The following UBE3D variants were observed in gnomAD, a reference collection of about 807,000 sequenced individuals.
UBE3D encodes the protein ubiquitin protein ligase E3D, also known as E3 ubiquitin-protein ligase E3D.
UBE3D carries 48 observed loss-of-function variants against 49.6 expected under a neutral mutation model. The observed-to-expected ratio is 0.97, with a 90% CI of 0.77 to 1.23. UBE3D has a LOEUF of 1.23. UBE3D is among the 50% of genes most tolerant of loss of function. The pLI, the probability that UBE3D is intolerant of heterozygous loss-of-function variation, is 0.00. For synonymous variants in UBE3D, 189 were observed against 174.2 expected (o/e 1.08, Z -0.67); for missense variants, 452 against 468.4 (o/e 0.96, Z 0.32).
At chr6:83,035,876 T>C (rs893790040) in intron 5 of UBE3D, 1 of 152,180 alleles carries the variant, frequency 6.6e-6, no homozygotes, top group African/African-American at 2.4e-5. Context: ...AAGGCTCAAT[T>C]CACTTATTCA....
intron 9 of UBE3D, among the ~76,000 whole-genome samples, chr6:82,907,592 G>A (rs544363837): frequency 9.9e-5 from 15 of 152,120 alleles, no homozygotes; most frequent in Non-Finnish European, 1.5e-4. Context: ...TAAAGCACAT[G>A]AAAAGGTGCT....
At chr6:82,933,382 C>G (rs1774315333) in intron 9 of UBE3D, among the ~76,000 whole-genome samples, 1 of 152,222 alleles carries the variant, frequency 6.6e-6, no homozygotes. Flanking sequence ...ATTTCATTTT[C>G]ATTGCATGCA....
intron 8 of UBE3D, among the ~76,000 whole-genome samples, chr6:82,981,390 T>C (rs537609096): frequency 6.1e-4 from 93 of 152,232 alleles, no homozygotes; most frequent in African/African-American, 2.1e-3. Context: ...AATTTATGAA[T>C]GGGAGCAGTC....
At chr6:82,947,543 A>G (rs910181323) in intron 9 of UBE3D, among the ~76,000 whole-genome samples, 2 of 151,824 alleles carry the variant, frequency 1.3e-5, no homozygotes, top group African/African-American at 4.8e-5. Flanking sequence ...TTCTTGCCCT[A>G]TCTTATGGTG....
intron 9 of UBE3D, among the ~76,000 whole-genome samples, chr6:82,910,987 A>C (rs1772461493): frequency 6.6e-6 from 1 of 152,062 alleles, no homozygotes; most frequent in Non-Finnish European, 1.5e-5. Context: ...GATCACCTAT[A>C]ATTAGAGAGT....
At chr6:83,060,248 T>C (rs902210645) in intron 1 of UBE3D, among the ~76,000 whole-genome samples, 7 of 152,050 alleles carry the variant, frequency 4.6e-5, no homozygotes, top group African/African-American at 1.7e-4. Context: ...TGGCAAAGGA[T>C]GCCAGCAGAC....
intron 9 of UBE3D, among the ~76,000 whole-genome samples, chr6:82,943,650 A>G (rs959376600): frequency 4.6e-5 from 7 of 152,102 alleles, no homozygotes; most frequent in African/African-American, 1.7e-4. Context: ...CAAAAAACAA[A>G]CAACAACTAC....
At chr6:83,054,968 T>C (rs554116143) in intron 2 of UBE3D, among the ~76,000 whole-genome samples, 1 of 152,300 alleles carries the variant, frequency 6.6e-6, no homozygotes, top group African/African-American at 2.4e-5. Flanking sequence ...TTTAATTTTA[T>C]TTAAATAAGG....
chr6:83,030,780 C>T (rs147521497), intron 5 of UBE3D, among the ~76,000 whole-genome samples: 1 of 152,114 alleles, frequency 6.6e-6, no homozygotes, highest in Non-Finnish European at 1.5e-5. Context: ...AAGTTTGAAC[C>T]TTCCTAGAGA....
intron 5 of UBE3D, among the ~76,000 whole-genome samples, chr6:83,030,911 T>C (rs1781818252): frequency 6.6e-6 from 1 of 152,172 alleles, no homozygotes; most frequent in Admixed American, 6.5e-5. Flanking sequence ...ACTCTTGTTA[T>C]GCTTTAGGAA....
chr6:82,911,375 C>G (rs1302132645), intron 9 of UBE3D, among the ~76,000 whole-genome samples: 2 of 152,082 alleles, frequency 1.3e-5, no homozygotes, highest in African/African-American at 4.8e-5. Context: ...TTTGGGGACA[C>G]AGCAAAAAGC....
intron 8 of UBE3D, among the ~76,000 whole-genome samples, chr6:82,982,284 A>T (rs1778166704): frequency 6.6e-6 from 1 of 152,172 alleles, no homozygotes; most frequent in Admixed American, 6.6e-5. Flanking sequence ...TCTAAGACAG[A>T]GTTATTTTAA....
chr6:82,983,759 G>T (rs1778273739), intron 8 of UBE3D, among the ~76,000 whole-genome samples: 1 of 151,980 alleles, frequency 6.6e-6, no homozygotes, highest in Admixed American at 6.6e-5. Context: ...CTACCACACT[G>T]TCACCAGTAA....
chr6:83,006,923 T>C (rs1351691347), intron 8 of UBE3D, among the ~76,000 whole-genome samples: 1 of 152,192 alleles, frequency 6.6e-6, no homozygotes, highest in South Asian at 2.1e-4. Context: ...TTTTTAAACA[T>C]AATTTTTAAA....
chr6:83,021,696 C>G (rs1316352505), intron 7 of UBE3D, among the ~76,000 whole-genome samples: 1 of 151,568 alleles, frequency 6.6e-6, no homozygotes, highest in Non-Finnish European at 1.5e-5. Flanking sequence ...GAAACCCCGT[C>G]TCTACTAAAA....
chr6:83,048,533 A>C (rs1401304742), intron 3 of UBE3D, among the ~76,000 whole-genome samples: 1 of 152,184 alleles, frequency 6.6e-6, no homozygotes, highest in Non-Finnish European at 1.5e-5. Context: ...TGATCAGGGA[A>C]ATAAAATTGC....
chr6:83,036,104 A>T (rs1184638884), intron 5 of UBE3D: 4 of 131,142 alleles, frequency 3.1e-5, no homozygotes, highest in African/African-American at 1.2e-4. Flanking sequence ...GCTCACTGCC[A>T]TCTTTGCCTC....
At chr6:83,006,021 T>C (rs974875349) in intron 8 of UBE3D, among the ~76,000 whole-genome samples, 2 of 152,044 alleles carry the variant, frequency 1.3e-5, no homozygotes, top group African/African-American at 2.4e-5. Context: ...GGCCAGGAGT[T>C]TGAGACCAGC....
chr6:83,065,519 A>T (rs879360323), intron 1 of UBE3D, 123 bp downstream of exon 1: 133 of 862,252 alleles, frequency 1.5e-4, no homozygotes, highest in Non-Finnish European at 2.2e-4. Flanking sequence ...AGTGATCGAG[A>T]GGCTCTACGC....
Sources: allele counts gnomAD v4.1 joint callset (sites outside exome capture counted in the v4.1 genomes callset), GRCh38; gene constraint gnomAD v4.1.1; transcripts MANE v1.5; gene names NCBI Gene and HGNC (gene_info 2026-07-23, HGNC 2026-07-21).